The following TENM1 variants were observed in gnomAD, a reference collection of about 807,000 sequenced individuals.
TENM1 encodes the protein teneurin transmembrane protein 1, also known as teneurin-1.
TENM1 carries 35 observed loss-of-function variants against 174.8 expected under a neutral mutation model. The ratio of observed to expected loss-of-function variants is 0.20; its 90% CI spans 0.15 to 0.27. The LOEUF is 0.27. TENM1 is among the 10% of genes least tolerant of loss of function. The pLI is 1.00. For missense variants in TENM1, 1,633 were observed against 2,130.1 expected (o/e 0.77, Z 4.59); for synonymous variants, 781 against 798.7 (o/e 0.98, Z 0.37).
intron 28 of TENM1, among the ~76,000 whole-genome samples, chrX:124,387,587 C>CATAAGTATATGTAATGT (rs1473622974): frequency 3.6e-5 from 4 of 111,935 alleles, no homozygotes; most frequent in Admixed American, 2.8e-4. Context: ...ATGTGAATTA[C>CATAAGTATATGTAATGT]ACAAGTATAT....
chrX:124,778,465 C>A (rs1205555378), intron 3 of TENM1, among the ~76,000 whole-genome samples: 2 of 112,305 alleles, frequency 1.8e-5, no homozygotes, highest in African/African-American at 6.5e-5. Context: ...TGGGTTTTAG[C>A]TGAACTAAGG....
At chrX:124,818,899 G>C (rs2055968706) in intron 3 of TENM1, among the ~76,000 whole-genome samples, 1 of 111,236 alleles carries the variant, frequency 9.0e-6, no homozygotes, top group Non-Finnish European at 1.9e-5. Context: ...ATTGGTTCAG[G>C]TCAGTACACA....
chrX:124,518,260 A>G (rs1569535919), intron 18 of TENM1, among the ~76,000 whole-genome samples: 1 of 110,732 alleles, frequency 9.0e-6, no homozygotes, highest in Non-Finnish European at 1.9e-5. Flanking sequence ...TTCTCTTTCT[A>G]CAGTCTCTAG....
chrX:125,098,242 C>T, the TENM1 span, among the ~76,000 whole-genome samples: 8 of 111,002 alleles, frequency 7.2e-5, no homozygotes, highest in African/African-American at 1.3e-4. Context: ...CCAGCCTGGG[C>T]GACAGAGCAA....
chrX:124,812,737 A>C (rs2147270422), intron 3 of TENM1, among the ~76,000 whole-genome samples: 1 of 111,468 alleles, frequency 9.0e-6, no homozygotes, highest in East Asian at 2.8e-4. Context: ...GCACATATAT[A>C]AAATCATCTT....
chrX:124,442,987 T>G (rs2060920463), intron 23 of TENM1, among the ~76,000 whole-genome samples: 1 of 67,514 alleles, frequency 1.5e-5, no homozygotes, highest in African/African-American at 4.3e-5. Flanking sequence ...AAACTACTGT[T>G]TTTTTTTTTC....
intron 3 of TENM1, among the ~76,000 whole-genome samples, chrX:124,884,509 C>T (rs1284335520): frequency 9.0e-6 from 1 of 111,175 alleles, no homozygotes; most frequent in Non-Finnish European, 1.9e-5. Context: ...GCTAGGACTG[C>T]AGGAGTTCAC....
intron 11 of TENM1, among the ~76,000 whole-genome samples, chrX:124,598,121 T>C (rs940661849): frequency 8.9e-6 from 1 of 111,773 alleles, no homozygotes; most frequent in East Asian, 2.8e-4. Context: ...CAACCAGGTA[T>C]ATGAAAAGGT....
chrX:124,966,534 C>T (rs976915016), upstream of TENM1, among the ~76,000 whole-genome samples: 16 of 108,014 alleles, frequency 1.5e-4, no homozygotes, highest in African/African-American at 4.5e-4. Flanking sequence ...TGGTAGCGGG[C>T]GCCTGTAGTC....
intron 3 of TENM1, among the ~76,000 whole-genome samples, chrX:124,772,310 A>AG (rs937801652): frequency 2.3e-4 from 26 of 110,898 alleles, no homozygotes; most frequent in Non-Finnish European, 4.2e-4. Context: ...TAATTTTTGT[A>AG]TTTTTGGTAG....
the TENM1 span, among the ~76,000 whole-genome samples, chrX:125,112,122 T>C: frequency 2.1e-5 from 2 of 93,615 alleles, no homozygotes; most frequent in Non-Finnish European, 2.1e-5. Flanking sequence ...GCAATGTGTT[T>C]GTTTAATGAA....
intron 3 of TENM1, among the ~76,000 whole-genome samples, chrX:124,756,184 G>A (rs1208102187): frequency 3.0e-5 from 3 of 100,064 alleles, no homozygotes; most frequent in African/African-American, 1.3e-4. Flanking sequence ...GGCTTTGTTC[G>A]TTTCTTTTTA....
intron 3 of TENM1, among the ~76,000 whole-genome samples, chrX:124,796,008 T>TA (rs1380542080): frequency 9.0e-6 from 1 of 111,443 alleles, no homozygotes; most frequent in Non-Finnish European, 1.9e-5. Flanking sequence ...TGATGTCAAT[T>TA]AAAAATCACT....
chrX:124,818,761 G>C (rs2055964621), intron 3 of TENM1, among the ~76,000 whole-genome samples: 1 of 111,527 alleles, frequency 9.0e-6, no homozygotes, highest in African/African-American at 3.3e-5. Flanking sequence ...GGTAGGATTT[G>C]GTTTGAGATT....
chrX:124,437,788 C>T (rs189197508), intron 23 of TENM1, among the ~76,000 whole-genome samples: 230 of 111,988 alleles, frequency 2.1e-3, no homozygotes, highest in African/African-American at 7.1e-3. Flanking sequence ...TGAGATGCGC[C>T]AAATGAACCC....
intron 11 of TENM1, among the ~76,000 whole-genome samples, chrX:124,628,588 G>A (rs1396164099): frequency 2.7e-5 from 3 of 111,271 alleles, no homozygotes; most frequent in Non-Finnish European, 5.7e-5. Flanking sequence ...AAGGAGAAGT[G>A]TCTCATTGGT....
exon 32 of TENM1, chrX:124,377,815 C>T (rs747258687): frequency 9.8e-5 from 11 of 111,731 alleles, no homozygotes; most frequent in Non-Finnish European, 1.3e-4. Context: ...AATGCTTTTA[C>T]TTTCATCAGG....
the TENM1 span, among the ~76,000 whole-genome samples, chrX:125,186,577 G>GA: frequency 0.023 from 2,117 of 93,542 alleles, 67 homozygotes; most frequent in African/African-American, 0.077. Flanking sequence ...AATGCTGGTT[G>GA]AAAAAAAAAA....
chrX:124,577,220 T>C (rs2049188232), intron 11 of TENM1, among the ~76,000 whole-genome samples: 1 of 111,470 alleles, frequency 9.0e-6, no homozygotes, highest in African/African-American at 3.3e-5. Context: ...GGTAGGCTTC[T>C]GCATCCTGAA....
Sources: allele counts gnomAD v4.1 joint callset (sites outside exome capture counted in the v4.1 genomes callset), GRCh38; gene constraint gnomAD v4.1.1; transcripts MANE v1.5; gene names NCBI Gene and HGNC (gene_info 2026-07-23, HGNC 2026-07-21).